SLC45A4: variants seen among roughly 807,000 people sequenced by gnomAD.
The protein encoded by SLC45A4 is polyamine-transporter SLC45A4.
In SLC45A4, 32 loss-of-function variants were observed where a neutral mutation model predicts 63.7. The ratio of observed to expected loss-of-function variants is 0.50; its 90% CI spans 0.38 to 0.67. SLC45A4 has a LOEUF of 0.67. Among genes scored for constraint, SLC45A4 ranks in the 30% least tolerant of loss-of-function variants. The probability of loss-of-function intolerance (pLI) is 0.00; values close to 1 mark genes in which losing one functional copy is unlikely to be tolerated. For synonymous variants in SLC45A4, 535 were observed against 510.0 expected (o/e 1.05, Z -0.66); for missense variants, 1,027 against 1,157.7 (o/e 0.89, Z 1.64).
At chr8:141,230,498 G>C (rs1827285618) in intron 2 of SLC45A4, 1 of 186,884 alleles carries the variant, frequency 5.4e-6, no homozygotes, top group Non-Finnish European at 1.1e-5. Context: ...AGCAGCTCCG[G>C]TGGCCACGTG....
At chr8:141,249,035 A>T (rs1259798039) in intron 2 of SLC45A4, among the ~76,000 whole-genome samples, 1 of 151,934 alleles carries the variant, frequency 6.6e-6, no homozygotes, top group East Asian at 1.9e-4. Context: ...AAAAAAAAAA[A>T]AAGACATGCA....
At chr8:141,247,136 G>A (rs574496628) in intron 2 of SLC45A4, among the ~76,000 whole-genome samples, 1 of 152,308 alleles carries the variant, frequency 6.6e-6, no homozygotes, top group African/African-American at 2.4e-5. Flanking sequence ...TAACCAGGCT[G>A]ATCAAATTAC....
chr8:141,221,560 G>A lies in SLC45A4; in HGVS notation c.430+17C>T. Reference sequence around the variant, plus strand: ...CGTCTGTGTTGTGAGGACACCAGGTGTGGCCGAGAAACTTACCGATGGCAG... The same window carrying A: ...CGTCTGTGTTGTGAGGACACCAGGTATGGCCGAGAAACTTACCGATGGCAG... On this transcript the variant is annotated intron_variant, in intron 3 of 8. Coordinates refer to ENST00000517878, the MANE Select transcript of SLC45A4 (RefSeq NM_001286646.2). 3 of 1,608,676 alleles carry A rather than the reference G, an allele frequency of 1.9e-6. No homozygotes were observed. Among genetic ancestry groups the A allele is most frequent in the Admixed American group, 1.7e-5 (1 of 59,618 alleles).
At chr8:141,303,517 T>C (rs1469127510) in intron 1 of SLC45A4, among the ~76,000 whole-genome samples, 2 of 152,176 alleles carry the variant, frequency 1.3e-5, no homozygotes, top group Admixed American at 6.5e-5. Flanking sequence ...AGGTAAGCAC[T>C]GTGTTGATCC....
Position 141,254,734 on chromosome 8 carries a change from C to G in SLC45A4, c.-400-105G>C, listed in dbSNP as rs550386735. 2 of 683,004 alleles carry G rather than the reference C, an allele frequency of 2.9e-6. No individual in the cohort carries two copies. Among genetic ancestry groups the G allele is most frequent in the African/African-American group, 3.5e-5 (2 of 56,892 alleles). The allele number at this position is 683,004 out of a possible 1,614,324, so 42.3% of individuals were successfully genotyped here. ...GAGCAAGCCGTGTGCCCCGAGGGCC[C>G]GACCCAAGATCACACAGCTCTCTGC... is the stretch of plus-strand genomic sequence containing the variant. On this transcript the variant is annotated intron_variant, in intron 1 of 8. Coordinates refer to ENST00000517878, the MANE Select transcript of SLC45A4 (RefSeq NM_001286646.2). The surrounding 1 kb of genome is among the most constrained non-coding windows in gnomAD (Gnocchi z 4.5).
chr8:141,231,887 G>A (rs1480404283), intron 2 of SLC45A4, among the ~76,000 whole-genome samples: 2 of 152,234 alleles, frequency 1.3e-5, no homozygotes, highest in African/African-American at 4.8e-5. Context: ...AATGGCCCGA[G>A]ATCAGGAGAC....
In SLC45A4 at chr8:141,254,451, C is replaced by T. The variant is rs1828671668; in HGVS notation, c.-222G>A. ...GAACGATTTTTGGTTGGATTTTAAA[C>T]ATATGGCTTGCTGGTTTACTGTGAA... On this transcript the variant is annotated 5_prime_UTR_variant, in exon 2 of 9. The change abolishes an upstream ATG in the 5' untranslated region. Coordinates refer to ENST00000517878, the MANE Select transcript of SLC45A4 (RefSeq NM_001286646.2). The surrounding 1 kb of genome is among the most constrained non-coding windows in gnomAD (Gnocchi z 4.5). 1 of 658,266 alleles carries T rather than the reference C, an allele frequency of 1.5e-6. No homozygotes were observed. 40.8% of individuals were successfully genotyped at this position (658,266 alleles called of 1,614,324 possible).
At chr8:141,257,941 G>A (rs891778925) in intron 1 of SLC45A4, among the ~76,000 whole-genome samples, 2 of 152,004 alleles carry the variant, frequency 1.3e-5, no homozygotes, top group Non-Finnish European at 2.9e-5. Flanking sequence ...ATTCCATTCC[G>A]AGTCCACCGA....
At position 141,254,327 on chromosome 8, in the gene SLC45A4, C is replaced by T. The variant is rs1828667215; in HGVS notation, c.-98G>A. On this transcript the variant is annotated 5_prime_UTR_variant, in exon 2 of 9. Transcript: ENST00000517878. The surrounding 1 kb of genome is among the most constrained non-coding windows in gnomAD (Gnocchi z 4.5). ...TAAATTAAGACGTCTTCTCTTTCTG[C>T]TTCTGCTGTGTTCCTCGGGCAGGTA... is the stretch of plus-strand genomic sequence containing the variant. The T allele has an allele frequency of 1.5e-6, 2 of 1,333,066 alleles. No homozygotes were observed. The highest frequency in any genetic ancestry group is 2.0e-6 in the Non-Finnish European group (2 of 1,005,654). The allele number at this position is 1,333,066 out of a possible 1,614,324, so 82.6% of individuals were successfully genotyped here.
chr8:141,286,265 G>A (rs564141796), intron 1 of SLC45A4, among the ~76,000 whole-genome samples: 2 of 152,286 alleles, frequency 1.3e-5, no homozygotes, highest in East Asian at 1.9e-4. Context: ...CGGGAGCTGA[G>A]GAGAATGGGC....
At chr8:141,302,630 C>T (rs903159780) in intron 1 of SLC45A4, among the ~76,000 whole-genome samples, 3 of 152,198 alleles carry the variant, frequency 2.0e-5, no homozygotes, top group Non-Finnish European at 4.4e-5. Flanking sequence ...CCGCGGCAGG[C>T]GTAAAGTTAT....
intron 1 of SLC45A4, among the ~76,000 whole-genome samples, chr8:141,281,640 T>C: frequency 6.6e-6 from 1 of 152,154 alleles, no homozygotes; most frequent in East Asian, 1.9e-4. Context: ...CATGACAGTG[T>C]TTGCACATAC....
chr8:141,303,561 A>G (rs1335689441), intron 1 of SLC45A4, among the ~76,000 whole-genome samples: 1 of 152,078 alleles, frequency 6.6e-6, no homozygotes. Flanking sequence ...TTTGCTATGC[A>G]TTTTTCACTC....
chr8:141,221,826 C>A, intron 2 of SLC45A4, 61 bp from the exon 3 acceptor site: 1 of 1,569,486 alleles, frequency 6.4e-7, no homozygotes, highest in Non-Finnish European at 8.7e-7. Context: ...CCACAGTTTT[C>A]CTGGGAGCCC....
chr8:141,216,054 C>T (rs1324551381), intron 6 of SLC45A4, 84 bp from the exon 7 acceptor site: 1 of 1,224,610 alleles, frequency 8.2e-7, no homozygotes, highest in African/African-American at 1.5e-5. Flanking sequence ...CCCCTCGCCC[C>T]CCACATCCCC....
chr8:141,246,102 T>C (rs972432312), intron 2 of SLC45A4, among the ~76,000 whole-genome samples: 15 of 152,342 alleles, frequency 9.8e-5, no homozygotes, highest in Admixed American at 2.6e-4. Flanking sequence ...CTGCGATATT[T>C]ATCAATACAA....
At chr8:141,223,249 C>T (rs535544929) in intron 2 of SLC45A4, among the ~76,000 whole-genome samples, 27 of 152,272 alleles carry the variant, frequency 1.8e-4, no homozygotes, top group African/African-American at 3.8e-4. Flanking sequence ...TATTCCTACT[C>T]GGAGTCAGCA....
intron 1 of SLC45A4, among the ~76,000 whole-genome samples, chr8:141,303,618 T>G (rs540414394): frequency 4.6e-5 from 7 of 152,316 alleles, no homozygotes; most frequent in African/African-American, 1.7e-4. Context: ...TGCCAGTCAA[T>G]TCAGATGGCT....
intron 2 of SLC45A4, among the ~76,000 whole-genome samples, chr8:141,223,793 GT>G (rs1826808663): frequency 2.0e-5 from 3 of 152,156 alleles, no homozygotes; most frequent in African/African-American, 4.8e-5. Context: ...ACGAGAGACC[GT>G]GCCCCCAGAG....
Sources: allele counts gnomAD v4.1 joint callset (sites outside exome capture counted in the v4.1 genomes callset), GRCh38; gene constraint gnomAD v4.1.1; non-coding constraint Gnocchi (gnomAD v3.1); transcripts MANE v1.5; gene names NCBI Gene and HGNC (gene_info 2026-07-23, HGNC 2026-07-21).